Variants in PREP observed in about 807,000 individuals in gnomAD.
PREP encodes the protein prolyl endopeptidase, also known as dJ355L5.1 (prolyl endopeptidase).
PREP carries 29 observed loss-of-function variants against 87.6 expected under a neutral mutation model. The observed-to-expected ratio is 0.33, with a 90% CI of 0.25 to 0.45. The LOEUF is 0.45. PREP is among the 20% of genes least tolerant of loss of function. The pLI is 1.00. For synonymous variants in PREP, 337 were observed against 328.6 expected (o/e 1.03, Z -0.28); for missense variants, 695 against 886.5 (o/e 0.78, Z 2.74).
Position 105,282,510 on chromosome 6 carries a change from C to A in PREP, c.1622G>T (p.Gly541Val). The A allele has an allele frequency of 1.9e-6, 3 of 1,614,138 alleles. No individual in the cohort carries two copies. The highest frequency in any genetic ancestry group is 2.5e-6 in the Non-Finnish European group (3 of 1,180,024). ...AGTCAGCCTCTTGGGAGATGTGTAA[C>A]CTTCCTTGATCAGATACTCAGCAGC... Reference protein sequence around the residue: ...QCAAEYLIKEGYTSPKRLTIN... With the variant: ...QCAAEYLIKEVYTSPKRLTIN... The change falls in exon 13 of 15, where the codon GGT (glycine) becomes GTT (valine). Residue 541 changes from glycine to valine, a missense_variant. This residue lies in a region of PREP where 35 missense variants were observed against 36.0 expected (regional missense o/e 0.97). Transcript: ENST00000652536.
chr6:105,369,810 AAAAC>A (rs143075222), intron 5 of PREP, among the ~76,000 whole-genome samples: 3,746 of 152,248 alleles, frequency 0.025, 131 homozygotes, highest in African/African-American at 0.08. Flanking sequence ...AGCAATAAGA[AAAAC>A]AAACAAACAA....
rs546242317 is a variant in PREP at position 105,369,006 on chromosome 6, T to C, written c.614A>G (p.Asn205Ser). The C allele has an allele frequency of 8.1e-6, 13 of 1,613,952 alleles. No homozygotes were observed. The highest frequency in any genetic ancestry group is 1.3e-5 in the African/African-American group (1 of 75,046). Reference sequence around the variant, plus strand: ...ATGGTAGTAGAGCTTTTGGTGGAGATTGGTAGATGTCTCTGTGCCTGAAGG... The same window carrying C: ...ATGGTAGTAGAGCTTTTGGTGGAGACTGGTAGATGTCTCTGTGCCTGAAGG... ...GKSDGTETSTNLHQKLYYHVL... is the reference protein window; with the variant it reads ...GKSDGTETSTSLHQKLYYHVL... The change falls in exon 6 of 15, where the codon AAT becomes AGT. Residue 205 changes from asparagine to serine, a missense_variant. Transcript: ENST00000652536.
intron 9 of PREP, among the ~76,000 whole-genome samples, chr6:105,326,986 TTTC>T (rs1431811998): frequency 1.3e-5 from 2 of 152,176 alleles, no homozygotes; most frequent in African/African-American, 2.4e-5. Context: ...CAATAAGCCC[TTTC>T]TTCCCCAGGT....
chr6:105,399,717 A>G (rs1206536108), intron 1 of PREP, among the ~76,000 whole-genome samples: 1 of 152,186 alleles, frequency 6.6e-6, no homozygotes, highest in Admixed American at 6.5e-5. Flanking sequence ...TAAAATAACA[A>G]TCTGCTTTTC....
In PREP at chr6:105,397,909, G is replaced by T; in HGVS notation, c.64C>A (p.His22Asn). 1.2e-6 allele frequency: 2 copies of T among 1,610,688 alleles called. No homozygotes were observed. Among genetic ancestry groups the T allele is most frequent in the South Asian group, 1.1e-5 (1 of 90,962 alleles). The change falls in exon 2 of 15, where the codon CAT becomes AAT. Residue 22 changes from histidine (H) to asparagine (N), a missense_variant. His to Asn is a moderately conservative substitution (Grantham distance 68). Coordinates refer to ENST00000652536, the MANE Select transcript of PREP (RefSeq NM_002726.5). ...CAGGCGTAAGGGTCACAAATTTTAT[G>T]ACCATGATAATCCTGTACCTGTAAA... Reference protein sequence around the residue: ...DETAVQDYHGHKICDPYAWLE... With the variant: ...DETAVQDYHGNKICDPYAWLE...
chr6:105,310,407 TTCAGCCCTCA>T (rs1770735927), intron 10 of PREP, among the ~76,000 whole-genome samples: 1 of 152,166 alleles, frequency 6.6e-6, no homozygotes, highest in Non-Finnish European at 1.5e-5. Context: ...ATACACCCTG[TTCAGCCCTCA>T]TCAGCCCTAC....
intron 8 of PREP, among the ~76,000 whole-genome samples, chr6:105,330,399 T>C (rs1007435931): frequency 3.3e-5 from 5 of 152,144 alleles, no homozygotes; most frequent in African/African-American, 1.2e-4. Context: ...AGCCAGGGCT[T>C]GATGCCTGCA....
At chr6:105,322,493 T>A in intron 10 of PREP, 1 of 985,554 alleles carries the variant, frequency 1.0e-6, no homozygotes, top group South Asian at 4.7e-5. Context: ...CTGTATGTCT[T>A]CTCGGCCCTG....
rs746144989 is a variant in PREP at position 105,278,480 on chromosome 6, T to C, written c.1839-42A>G. The C allele has an allele frequency of 4.5e-6, 7 of 1,564,476 alleles. No homozygotes were observed. The highest frequency in any genetic ancestry group is 2.4e-5 in the South Asian group (2 of 84,856). ...CCTTTGTGAGGCTGGAGAGCAACAG[T>C]AGAGTTTTATGGCACAGGGACCTAG... On this transcript the variant is annotated intron_variant, in intron 14 of 14. Coordinates refer to ENST00000652536, the MANE Select transcript of PREP (RefSeq NM_002726.5). This position sits in a 1 kb window ranked among gnomAD's most constrained non-coding sequence, Gnocchi z 4.2.
intron 10 of PREP, among the ~76,000 whole-genome samples, chr6:105,293,101 A>AT (rs1263879076): frequency 6.6e-6 from 1 of 152,072 alleles, no homozygotes; most frequent in Non-Finnish European, 1.5e-5. Context: ...AGCACTTTCA[A>AT]TTTTTTCAAG....
At chr6:105,396,973 C>CA (rs1773300389) in intron 2 of PREP, among the ~76,000 whole-genome samples, 1 of 152,010 alleles carries the variant, frequency 6.6e-6, no homozygotes, top group Non-Finnish European at 1.5e-5. Flanking sequence ...CACTTGAGGC[C>CA]AGGAGTTCGA....
At position 105,288,765 on chromosome 6, in the gene PREP, T is replaced by G; in HGVS notation, c.1447A>C (p.Asn483His). The stretch of plus-strand genomic sequence containing the variant: ...AGTGCGTTCCGAGCTCACCTGTAGT[T>G]GGGTGTGATGGATATGTTGAAGCCG... ...YGGFNISITP[N>H]YSVSRLIFVR... The change falls in exon 11 of 15, where the codon AAC becomes CAC. Residue 483 changes from asparagine (N) to histidine (H), a missense_variant. By Grantham distance (68) the Asn-to-His change is moderately conservative. Coordinates refer to ENST00000652536, the MANE Select transcript of PREP (RefSeq NM_002726.5). 6.2e-7 allele frequency: 1 copy of G among 1,614,034 alleles called. No individual in the cohort carries two copies. Among genetic ancestry groups the G allele is most frequent in the Non-Finnish European group, 8.5e-7 (1 of 1,179,970 alleles).
chr6:105,353,129 G>A (rs748080959), intron 6 of PREP, 52 bp from the exon 7 acceptor site: 38 of 1,407,404 alleles, frequency 2.7e-5, no homozygotes, highest in Non-Finnish European at 3.7e-5. Flanking sequence ...TTATTTTTGT[G>A]AGAACATTAT....
At chr6:105,361,067 C>T (rs1255169824) in intron 6 of PREP, among the ~76,000 whole-genome samples, 1 of 152,094 alleles carries the variant, frequency 6.6e-6, no homozygotes, top group African/African-American at 2.4e-5. Flanking sequence ...ATATTTTAAA[C>T]AATAAACCTA....
chr6:105,314,989 T>G (rs974434685), intron 10 of PREP, among the ~76,000 whole-genome samples: 3 of 152,126 alleles, frequency 2.0e-5, no homozygotes, highest in Non-Finnish European at 4.4e-5. Flanking sequence ...AGCTCTTGGG[T>G]GACTAGGTGC....
intron 7 of PREP, among the ~76,000 whole-genome samples, chr6:105,348,224 C>T (rs1771849173): frequency 6.6e-6 from 1 of 152,178 alleles, no homozygotes; most frequent in Admixed American, 6.5e-5. Flanking sequence ...CCATCATTCT[C>T]AGTGCTTAAT....
intron 4 of PREP, among the ~76,000 whole-genome samples, chr6:105,375,079 G>T (rs1186591326): frequency 3.3e-5 from 5 of 152,114 alleles, no homozygotes; most frequent in African/African-American, 4.8e-5. Flanking sequence ...ATTCATGGAA[G>T]AATCTGAGCT....
intron 2 of PREP, among the ~76,000 whole-genome samples, chr6:105,380,850 G>A (rs537209706): frequency 6.6e-6 from 1 of 152,234 alleles, no homozygotes; most frequent in South Asian, 2.1e-4. Flanking sequence ...GGCCCACGGT[G>A]GGTCCAAGGG....
At chr6:105,361,562 G>T (rs1772246758) in intron 6 of PREP, among the ~76,000 whole-genome samples, 1 of 152,066 alleles carries the variant, frequency 6.6e-6, no homozygotes, top group Non-Finnish European at 1.5e-5. Flanking sequence ...AGAATTAGTT[G>T]CACGTAAAAA....
Sources: allele counts gnomAD v4.1 joint callset (sites outside exome capture counted in the v4.1 genomes callset), GRCh38; gene constraint gnomAD v4.1.1; regional missense constraint gnomAD v4.1.1; non-coding constraint Gnocchi (gnomAD v3.1); transcripts MANE v1.5; gene names NCBI Gene and HGNC (gene_info 2026-07-23, HGNC 2026-07-21).